The following AFG1L variants were observed in gnomAD, a reference collection of about 807,000 sequenced individuals.
AFG1L encodes AFG1-like ATPase.
AFG1L carries 53 observed loss-of-function variants against 62.2 expected under a neutral mutation model. The observed-to-expected ratio is 0.85, with a 90% CI of 0.68 to 1.07. The LOEUF (loss-of-function observed/expected upper bound fraction) is 1.07. Ranked by LOEUF, AFG1L falls within the 50% of genes least tolerant of loss-of-function variation. The probability of loss-of-function intolerance (pLI) is 0.00; values close to 1 mark genes in which losing one functional copy is unlikely to be tolerated. For synonymous variants in AFG1L, 228 were observed against 210.3 expected (o/e 1.08, Z -0.73); for missense variants, 555 against 590.5 (o/e 0.94, Z 0.62).
chr6:108,488,225 G>A (rs1003595605), intron 10 of AFG1L, among the ~76,000 whole-genome samples: 2 of 152,174 alleles, frequency 1.3e-5, no homozygotes, highest in African/African-American at 4.8e-5. Context: ...ATAGAAGGCT[G>A]TCATATTTCT....
intron 10 of AFG1L, among the ~76,000 whole-genome samples, chr6:108,484,191 G>A (rs1773437746): frequency 6.6e-6 from 1 of 152,170 alleles, no homozygotes. Context: ...AATCTCCTTG[G>A]CCTTTTACCT....
intron 1 of AFG1L, among the ~76,000 whole-genome samples, chr6:108,313,018 C>T (rs1247900780): frequency 6.6e-6 from 1 of 152,148 alleles, no homozygotes; most frequent in Non-Finnish European, 1.5e-5. Flanking sequence ...GGAGCACGTC[C>T]CTGTCTTGGT....
chr6:108,440,656 TA>T (rs1771505440), intron 7 of AFG1L, among the ~76,000 whole-genome samples: 1 of 151,378 alleles, frequency 6.6e-6, no homozygotes, highest in Admixed American at 6.6e-5. Context: ...CCGTCTCTAC[TA>T]AAAAATACAA....
At position 108,416,043 on chromosome 6, in the gene AFG1L, A is replaced by G. The variant is rs1380074753; in HGVS notation, c.807+13989A>G. ...CTCATCTGACAAAGGGCTAATATCC[A>G]GAATCTACAAAGAACTCAAACAAAT... On this transcript the variant is annotated intron_variant, in intron 7 of 12. Transcript: ENST00000368977. Among the ~76,000 whole-genome samples the G allele has an allele frequency of 4.6e-5, 7 of 152,372 alleles. No homozygotes were observed. The East Asian group carries it at 1.3e-3, about 29-fold the overall frequency.
rs539232525 is a variant in AFG1L at position 108,422,477 on chromosome 6, CAAAAAAA to C, written c.807+20439_807+20445del. On this transcript the variant is annotated intron_variant, in intron 7 of 12. Coordinates refer to ENST00000368977, the MANE Select transcript of AFG1L (RefSeq NM_145315.5). Reference sequence around the variant, plus strand: ...ATATTTTTTTAAAATTAGTCCTCAGCAAAAAAAAAAAAAAAAAAAAAAGAAGAAGAAA... The same window carrying C: ...ATATTTTTTTAAAATTAGTCCTCAGCAAAAAAAAAAAAAAAGAAGAAGAAA... Among the ~76,000 whole-genome samples the C allele has an allele frequency of 4.0e-3, 184 of 45,818 alleles. 3 individuals carry two copies. The highest frequency in any genetic ancestry group is 9.7e-3 in the African/African-American group (93 of 9,620). The allele number at this position is 45,818 out of a possible 152,430, so 30.1% of individuals were successfully genotyped here.
intron 5 of AFG1L, among the ~76,000 whole-genome samples, chr6:108,363,575 A>G (rs1437768634): frequency 2.6e-5 from 4 of 152,038 alleles, no homozygotes; most frequent in Non-Finnish European, 5.9e-5. Flanking sequence ...TGGAATATTT[A>G]TGTTACATGT....
chr6:108,415,767 A>G (rs936155083), intron 7 of AFG1L, among the ~76,000 whole-genome samples: 2 of 152,222 alleles, frequency 1.3e-5, no homozygotes, highest in African/African-American at 4.8e-5. Context: ...TACAACAATT[A>G]ATTCAAGATG....
intron 6 of AFG1L, among the ~76,000 whole-genome samples, chr6:108,384,166 G>A (rs1446714721): frequency 6.6e-6 from 1 of 152,036 alleles, no homozygotes; most frequent in Non-Finnish European, 1.5e-5. Context: ...CAGCCTCAGG[G>A]CAGGGTAAAG....
At chr6:108,382,738 A>G (rs1264045683) in intron 6 of AFG1L, among the ~76,000 whole-genome samples, 2 of 152,242 alleles carry the variant, frequency 1.3e-5, no homozygotes, top group African/African-American at 4.8e-5. Context: ...CAGGATGACA[A>G]TGATTACTTT....
intron 8 of AFG1L, among the ~76,000 whole-genome samples, chr6:108,449,131 G>C (rs1357304513): frequency 2.7e-5 from 4 of 149,782 alleles, no homozygotes. Context: ...CTGGGCGACA[G>C]AGCAAGACCC....
chr6:108,421,690 A>G (rs1770597960), intron 7 of AFG1L, among the ~76,000 whole-genome samples: 1 of 152,110 alleles, frequency 6.6e-6, no homozygotes, highest in Non-Finnish European at 1.5e-5. Context: ...ATGCATCACA[A>G]GTTTTCAGTT....
intron 8 of AFG1L, among the ~76,000 whole-genome samples, chr6:108,469,227 T>C (rs187575572): frequency 1.3e-5 from 2 of 152,308 alleles, no homozygotes; most frequent in East Asian, 3.9e-4. Context: ...TTCTTTTGGC[T>C]ATTCAGTTTC....
At chr6:108,363,402 C>T (rs1181690822) in intron 5 of AFG1L, among the ~76,000 whole-genome samples, 4 of 152,018 alleles carry the variant, frequency 2.6e-5, no homozygotes, top group South Asian at 4.1e-4. Flanking sequence ...AGGCGCATTT[C>T]AGTTTTACCT....
chr6:108,395,339 G>C (rs1340420332), intron 6 of AFG1L, among the ~76,000 whole-genome samples: 1 of 151,194 alleles, frequency 6.6e-6, no homozygotes, highest in Admixed American at 6.6e-5. Context: ...AAAAAAAATT[G>C]AGACACATAA....
intron 7 of AFG1L, among the ~76,000 whole-genome samples, chr6:108,425,921 C>T (rs1394883510): frequency 1.3e-5 from 2 of 152,040 alleles, no homozygotes; most frequent in African/African-American, 2.4e-5. Flanking sequence ...TAACAATTGA[C>T]TATTGTTAAG....
chr6:108,459,020 C>T (rs1179158309), intron 8 of AFG1L, among the ~76,000 whole-genome samples: 6 of 151,130 alleles, frequency 4.0e-5, no homozygotes, highest in African/African-American at 9.9e-5. Context: ...GAGAATTCCA[C>T]CTGATACCCT....
rs963566077 is a variant in AFG1L at position 108,496,190 on chromosome 6, C to T, written c.1063-14022C>T. 1.1e-4 allele frequency among the ~76,000 whole-genome samples: 16 copies of T among 152,298 alleles called. No individual in the cohort carries two copies. The South Asian group carries it at 1.9e-3, about 18-fold the overall frequency. On this transcript the variant is annotated intron_variant, in intron 10 of 12. Transcript: ENST00000368977. ...CAAAAGTATAAATATTTGCAACTGC[C>T]ATAGATATACTGTGCATGTAATTTA...
chr6:108,440,353 G>C (rs1043863549), intron 7 of AFG1L, among the ~76,000 whole-genome samples: 1 of 151,746 alleles, frequency 6.6e-6, no homozygotes, highest in African/African-American at 2.4e-5. Context: ...ATTTTTAGTA[G>C]AGATGGGGTT....
At chr6:108,352,254 T>A (rs981016408) in intron 3 of AFG1L, among the ~76,000 whole-genome samples, 2 of 152,216 alleles carry the variant, frequency 1.3e-5, no homozygotes, top group Non-Finnish European at 2.9e-5. Context: ...TTTGTCCTTT[T>A]GGGTCTGGAT....
Sources: allele counts gnomAD v4.1 joint callset (sites outside exome capture counted in the v4.1 genomes callset), GRCh38; gene constraint gnomAD v4.1.1; transcripts MANE v1.5; gene names NCBI Gene and HGNC (gene_info 2026-07-23, HGNC 2026-07-21).